HIVEP2: variants seen among roughly 807,000 people sequenced by gnomAD.
HIVEP2 encodes the protein transcription factor HIVEP2.
A neutral mutation model predicts 180.7 loss-of-function variants in HIVEP2; 14 were observed. The ratio of observed to expected loss-of-function variants is 0.08; its 90% CI spans 0.05 to 0.12. The LOEUF (loss-of-function observed/expected upper bound fraction) is 0.12. HIVEP2 is among the 10% of genes least tolerant of loss of function. The pLI is 1.00. For missense variants in HIVEP2, 2,579 were observed against 3,008.5 expected (o/e 0.86, Z 3.34); for synonymous variants, 1,184 against 1,136.4 (o/e 1.04, Z -0.84).
chr6:142,761,041 G>C (rs1775220257), intron 8 of HIVEP2, among the ~76,000 whole-genome samples: 1 of 152,160 alleles, frequency 6.6e-6, no homozygotes, highest in Admixed American at 6.5e-5. Flanking sequence ...TCTAAGTGAT[G>C]TAACTCAGGA....
chr6:142,785,331 A>T (rs1232923570), intron 2 of HIVEP2, among the ~76,000 whole-genome samples: 9,076 of 147,090 alleles, frequency 0.062, 1,161 homozygotes, highest in African/African-American at 0.22. Context: ...AAAAAAAAAA[A>T]AAAAAAAAAA....
intron 2 of HIVEP2, among the ~76,000 whole-genome samples, chr6:142,815,196 G>A (rs1776802031): frequency 2.6e-5 from 4 of 152,158 alleles, no homozygotes; most frequent in African/African-American, 9.7e-5. Flanking sequence ...TTGCACTGGG[G>A]ATTAAGTTTC....
chr6:142,805,359 A>T (rs114036390), intron 2 of HIVEP2, among the ~76,000 whole-genome samples: 62 of 125,716 alleles, frequency 4.9e-4, no homozygotes, highest in African/African-American at 1.8e-3. Flanking sequence ...GCTCCTCTCT[A>T]CCCCCTGAAA....
chr6:142,773,737 C>A lies in HIVEP2; in HGVS notation c.1002G>T (p.Gly334=), dbSNP rs769629222. 38 of 1,613,886 alleles carry A rather than the reference C, an allele frequency of 2.4e-5. 1 individual carries two copies. The highest frequency in any genetic ancestry group is 3.2e-5 in the Non-Finnish European group (38 of 1,180,002). ...KVPILIIPKS[G]IPLPNESSQY... ...GAGAGCTTTCATTAGGGAGAGGAAT[C>A]CCACTTTTAGGGATAATCAAAATCG... Residue 334 remains glycine (G), a synonymous_variant, in exon 5 of 10, where the codon GGG becomes GGT. Transcript: ENST00000367603.
At position 142,771,053 on chromosome 6, in the gene HIVEP2, T is replaced by C. The variant is rs773561479; in HGVS notation, c.3686A>G (p.His1229Arg). ...GTGCTGAGCAAAGGGATGTGGGAAA[T>C]GTGCCTGCCACCAGGGAGGCTGCTG... ...PAQQPPWWQAHFPHPFAQHPQ... is the reference protein window; with the variant it reads ...PAQQPPWWQARFPHPFAQHPQ... The change falls in exon 5 of 10, where the codon CAT becomes CGT. Residue 1229 changes from histidine (H) to arginine (R), a missense_variant. Transcript: ENST00000367603. The surrounding 1 kb of genome is among the most constrained non-coding windows in gnomAD (Gnocchi z 5.4). The C allele has an allele frequency of 6.2e-7, 1 of 1,614,148 alleles. No homozygotes were observed. The highest frequency in any genetic ancestry group is 8.5e-7 in the Non-Finnish European group (1 of 1,180,032).
intron 2 of HIVEP2, among the ~76,000 whole-genome samples, chr6:142,799,490 G>A (rs1230621775): frequency 6.6e-6 from 1 of 152,020 alleles, no homozygotes; most frequent in African/African-American, 2.4e-5. Flanking sequence ...AGAGCATCAG[G>A]CATTATCTCT....
intron 1 of HIVEP2, among the ~76,000 whole-genome samples, chr6:142,924,120 T>C (rs1256194878): frequency 6.6e-6 from 1 of 152,210 alleles, no homozygotes; most frequent in Non-Finnish European, 1.5e-5. Flanking sequence ...AGCACCAGGA[T>C]TGCAGTATCA....
intron 4 of HIVEP2, among the ~76,000 whole-genome samples, chr6:142,775,851 A>G (rs932415988): frequency 1.3e-5 from 2 of 151,156 alleles, no homozygotes; most frequent in Non-Finnish European, 2.9e-5. Context: ...AACCATATAT[A>G]TAGTTACATA....
intron 1 of HIVEP2, among the ~76,000 whole-genome samples, chr6:142,900,244 G>A (rs1777100334): frequency 6.6e-6 from 1 of 152,160 alleles, no homozygotes; most frequent in Non-Finnish European, 1.5e-5. Flanking sequence ...TGTCACTTTT[G>A]AATGAAGAAA....
intron 2 of HIVEP2, among the ~76,000 whole-genome samples, chr6:142,818,738 A>C (rs1776929711): frequency 2.5e-5 from 2 of 80,412 alleles, no homozygotes; most frequent in Non-Finnish European, 5.4e-5. Flanking sequence ...GAAAGAAAAG[A>C]AAGAAAGAAA....
intron 1 of HIVEP2, among the ~76,000 whole-genome samples, chr6:142,894,816 C>A (rs149024262): frequency 1.9e-3 from 296 of 152,198 alleles, no homozygotes; most frequent in Non-Finnish European, 3.2e-3. Flanking sequence ...GCAGGGTCTC[C>A]GGCATCCACA....
chr6:142,938,271 G>A (rs1467491980), intron 1 of HIVEP2, among the ~76,000 whole-genome samples: 3 of 152,206 alleles, frequency 2.0e-5, no homozygotes, highest in East Asian at 1.9e-4. Context: ...GCATGGCAAC[G>A]CATGTAATTT....
intron 1 of HIVEP2, among the ~76,000 whole-genome samples, chr6:142,932,451 A>G (rs1777962053): frequency 1.3e-5 from 2 of 152,188 alleles, no homozygotes; most frequent in East Asian, 3.8e-4. Flanking sequence ...GTAATAAGCA[A>G]TTTATTTTTG....
intron 8 of HIVEP2, 45 bp from the exon 9 acceptor site, chr6:142,760,712 C>T: frequency 7.4e-7 from 1 of 1,355,462 alleles, no homozygotes; most frequent in Non-Finnish European, 1.0e-6. Flanking sequence ...ATCCAAATAT[C>T]AAGGTTAGGA....
chr6:142,811,902 G>A (rs1022581026), intron 2 of HIVEP2, among the ~76,000 whole-genome samples: 2 of 152,334 alleles, frequency 1.3e-5, no homozygotes, highest in African/African-American at 2.4e-5. Context: ...TGAAAACAGC[G>A]ATAGAAGTAG....
chr6:142,772,362 T>G lies in HIVEP2; in HGVS notation c.2377A>C (p.Lys793Gln). The G allele has an allele frequency of 6.2e-7, 1 of 1,614,242 alleles. No homozygotes were observed. The change falls in exon 5 of 10, where the codon AAA (lysine) becomes CAA (glutamine). Residue 793 changes from lysine (K) to glutamine (Q), a missense_variant. Physicochemically the swap from Lys to Gln is moderately conservative, Grantham distance 53. Coordinates refer to ENST00000367603, the MANE Select transcript of HIVEP2 (RefSeq NM_006734.4). This position sits in a 1 kb window ranked among gnomAD's most constrained non-coding sequence, Gnocchi z 4.9. ...SDKMSDLGGR[K>Q]PPGNVISVIQ... Reference sequence around the variant, plus strand: ...ACAGAAATCACATTTCCAGGAGGTTTCCTGCCCCCTAGGTCTGACATCTTG... The same window carrying G: ...ACAGAAATCACATTTCCAGGAGGTTGCCTGCCCCCTAGGTCTGACATCTTG...
intron 1 of HIVEP2, among the ~76,000 whole-genome samples, chr6:142,874,683 CAAGGACCAAAAAG>C (rs1437076783): frequency 2.0e-5 from 3 of 152,020 alleles, no homozygotes; most frequent in Non-Finnish European, 4.4e-5. Context: ...ATGCAGCCAG[CAAGGACCAAAAAG>C]AAGGACACTC....
chr6:142,761,586 AAG>A (rs773062096), intron 7 of HIVEP2, 21 bp from the exon 8 acceptor site: 11 of 1,340,236 alleles, frequency 8.2e-6, no homozygotes, highest in South Asian at 1.2e-5. Context: ...TAGCAAAAAA[AAG>A]AGAGAAATTA....
chr6:142,930,288 A>G (rs1278597156), intron 1 of HIVEP2, among the ~76,000 whole-genome samples: 4 of 152,346 alleles, frequency 2.6e-5, no homozygotes, highest in East Asian at 3.9e-4. Context: ...TCATGAACAT[A>G]TAAGAATGAA....
Sources: allele counts gnomAD v4.1 joint callset (sites outside exome capture counted in the v4.1 genomes callset), GRCh38; gene constraint gnomAD v4.1.1; non-coding constraint Gnocchi (gnomAD v3.1); transcripts MANE v1.5; gene names NCBI Gene and HGNC (gene_info 2026-07-23, HGNC 2026-07-21).